Variants in FOXJ3 observed in about 807,000 individuals in gnomAD.
FOXJ3 encodes forkhead box J3.
Under a neutral mutation model 76.1 loss-of-function variants are expected in FOXJ3, and 22 were observed. The observed-to-expected ratio is 0.29, with a 90% CI of 0.21 to 0.41. The LOEUF (loss-of-function observed/expected upper bound fraction) is 0.41, where lower values mean the gene tolerates loss of function less well. Ranked by LOEUF, FOXJ3 falls within the 10% of genes least tolerant of loss-of-function variation. The pLI is 1.00. For missense variants in FOXJ3, 613 were observed against 762.1 expected (o/e 0.80, Z 2.30); for synonymous variants, 269 against 261.2 (o/e 1.03, Z -0.29).
At chr1:42,182,767 G>A (rs1569753894) in intron 11 of FOXJ3, among the ~76,000 whole-genome samples, 1 of 151,896 alleles carries the variant, frequency 6.6e-6, no homozygotes. Flanking sequence ...CAAAGTGCTG[G>A]GATTATAGGC....
At chr1:42,226,885 T>C (rs1647614603) in intron 5 of FOXJ3, among the ~76,000 whole-genome samples, 3 of 152,220 alleles carry the variant, frequency 2.0e-5, no homozygotes, top group Admixed American at 6.5e-5. Flanking sequence ...TTTTAACCCT[T>C]TACTGGGAAT....
intron 5 of FOXJ3, among the ~76,000 whole-genome samples, chr1:42,221,484 C>G (rs539011437): frequency 1.2e-4 from 19 of 152,254 alleles, no homozygotes; most frequent in African/African-American, 4.6e-4. Flanking sequence ...GAGAAAGGGT[C>G]TTGCTCTGTT....
intron 12 of FOXJ3, 67 bp downstream of exon 12, chr1:42,181,850 T>G: frequency 9.7e-7 from 1 of 1,026,770 alleles, no homozygotes. Context: ...CCTGCCATCG[T>G]TGTTCCTGGA....
intron 5 of FOXJ3, among the ~76,000 whole-genome samples, chr1:42,225,705 TTTAAAC>T (rs1235666078): frequency 7.2e-5 from 11 of 152,310 alleles, no homozygotes; most frequent in South Asian, 4.1e-4. Flanking sequence ...TATTTTACAT[TTTAAAC>T]TTAAAGTGAT....
chr1:42,181,174 A>C (rs1371702549), intron 12 of FOXJ3, among the ~76,000 whole-genome samples: 1 of 152,180 alleles, frequency 6.6e-6, no homozygotes, highest in Non-Finnish European at 1.5e-5. Context: ...GAATCCAGAC[A>C]CTGGGGCTTG....
At chr1:42,189,236 G>A (rs2124179650) in intron 10 of FOXJ3, 67 bp downstream of exon 10, 2 of 1,001,220 alleles carry the variant, frequency 2.0e-6, no homozygotes, top group Non-Finnish European at 1.6e-6. Flanking sequence ...TACAAAGAAA[G>A]TTATAATCTA....
chr1:42,219,320 T>C (rs1647133031), intron 5 of FOXJ3, among the ~76,000 whole-genome samples: 1 of 152,214 alleles, frequency 6.6e-6, no homozygotes, highest in Non-Finnish European at 1.5e-5. Flanking sequence ...TTGACTGTCG[T>C]GGTATCGCTT....
At chr1:42,236,146 G>C (rs922562229) in intron 4 of FOXJ3, among the ~76,000 whole-genome samples, 1 of 152,206 alleles carries the variant, frequency 6.6e-6, no homozygotes, top group African/African-American at 2.4e-5. Context: ...GGAGCAAGTA[G>C]GAAACAGGAG....
intron 2 of FOXJ3, among the ~76,000 whole-genome samples, chr1:42,297,049 C>T (rs1039635042): frequency 2.6e-5 from 4 of 151,690 alleles, no homozygotes; most frequent in Non-Finnish European, 2.9e-5. Flanking sequence ...TAGGGGTGTG[C>T]GGGTGTGGGT....
At chr1:42,308,774 G>A (rs114768378) in intron 2 of FOXJ3, among the ~76,000 whole-genome samples, 13 of 151,900 alleles carry the variant, frequency 8.6e-5, no homozygotes, top group African/African-American at 2.7e-4. Flanking sequence ...CATAACTTAC[G>A]TTACCTCTTC....
intron 2 of FOXJ3, among the ~76,000 whole-genome samples, chr1:42,286,250 T>C (rs1280877111): frequency 6.6e-6 from 1 of 152,238 alleles, no homozygotes; most frequent in Admixed American, 6.5e-5. Context: ...CTGGTGTTAA[T>C]TTTTTCTAAA....
At chr1:42,222,390 T>C (rs1254795747) in intron 5 of FOXJ3, among the ~76,000 whole-genome samples, 1 of 152,102 alleles carries the variant, frequency 6.6e-6, no homozygotes, top group Non-Finnish European at 1.5e-5. Flanking sequence ...TAATTTATCA[T>C]CCACAAGCTA....
At chr1:42,257,408 C>A (rs2124599641) in intron 4 of FOXJ3, among the ~76,000 whole-genome samples, 1 of 152,074 alleles carries the variant, frequency 6.6e-6, no homozygotes, top group East Asian at 1.9e-4. Flanking sequence ...TCAAGGTAAT[C>A]AAGATATAGA....
intron 3 of FOXJ3, among the ~76,000 whole-genome samples, chr1:42,277,340 A>G (rs1312607849): frequency 6.9e-6 from 1 of 144,782 alleles, no homozygotes; most frequent in Non-Finnish European, 1.5e-5. Flanking sequence ...CTTGGGTAAC[A>G]GAGCAAGACC....
At chr1:42,225,674 C>A (rs927160606) in intron 5 of FOXJ3, among the ~76,000 whole-genome samples, 1 of 152,040 alleles carries the variant, frequency 6.6e-6, no homozygotes, top group African/African-American at 2.4e-5. Flanking sequence ...TGAAAATATA[C>A]CACAAAAGTA....
At chr1:42,283,484 T>C (rs1052239621) in intron 2 of FOXJ3, among the ~76,000 whole-genome samples, 1 of 152,126 alleles carries the variant, frequency 6.6e-6, no homozygotes, top group African/African-American at 2.4e-5. Context: ...AGCAAAGGCT[T>C]ACTCAGAAAG....
At chr1:42,190,312 T>C (rs1404284277) in intron 9 of FOXJ3, among the ~76,000 whole-genome samples, 1 of 152,230 alleles carries the variant, frequency 6.6e-6, no homozygotes, top group Non-Finnish European at 1.5e-5. Flanking sequence ...TTGCTTTTGC[T>C]ACATCAAGGC....
At chr1:42,320,066 C>A (rs1441983411) in intron 1 of FOXJ3, among the ~76,000 whole-genome samples, 1 of 152,158 alleles carries the variant, frequency 6.6e-6, no homozygotes, top group Non-Finnish European at 1.5e-5. Flanking sequence ...CCTCCTAAAA[C>A]AAGACCAGGG....
At chr1:42,194,367 A>G (rs140671014) in intron 8 of FOXJ3, among the ~76,000 whole-genome samples, 255 of 152,364 alleles carry the variant, frequency 1.7e-3, no homozygotes, top group Middle Eastern at 0.01. Flanking sequence ...GTCACTTTTA[A>G]TATTAAAATC....
Sources: gnomAD v4.1 joint callset for allele counts (sites outside exome capture counted in the v4.1 genomes callset) on GRCh38, gnomAD v4.1.1 for gene constraint, MANE v1.5 for transcripts, NCBI Gene and HGNC (gene_info 2026-07-23, HGNC 2026-07-21) for gene names.